The following CD109 variants were observed in gnomAD, a reference collection of about 807,000 sequenced individuals.
The protein encoded by CD109 is CD109 antigen.
In CD109, 149 loss-of-function variants were observed where a neutral mutation model predicts 165.8. That is an observed-to-expected ratio of 0.90 (90% confidence interval 0.79 to 1.03). The LOEUF (loss-of-function observed/expected upper bound fraction) is 1.03. CD109 is among the 50% of genes least tolerant of loss of function. CD109 has a pLI of 0.00. For missense variants in CD109, 1,712 were observed against 1,677.8 expected (o/e 1.02, Z -0.36); for synonymous variants, 585 against 592.1 (o/e 0.99, Z 0.18).
chr6:73,737,156 T>C (rs1219451850), intron 5 of CD109, among the ~76,000 whole-genome samples: 1 of 152,264 alleles, frequency 6.6e-6, no homozygotes, highest in Non-Finnish European at 1.5e-5. Flanking sequence ...GGTCATTTAG[T>C]ATATAACATG....
rs771074758 is a variant in CD109 at position 73,771,568 on chromosome 6, T to C, written c.1814T>C (p.Ile605Thr). The part of the protein sequence containing the change: ...SVNLMNASND[I>T]TMENVVHELE... Reference sequence around the variant, plus strand: ...AATCTGATGAATGCCTCTAATGATATTACAATGGAAAATGTGAGTTTAGCT... The same window carrying C: ...AATCTGATGAATGCCTCTAATGATACTACAATGGAAAATGTGAGTTTAGCT... Residue 605 changes from isoleucine to threonine, a missense_variant, in exon 15 of 33, where the codon ATT becomes ACT. Physicochemically the swap from Ile to Thr is moderately conservative, Grantham distance 89 (BLOSUM62 -1). Coordinates refer to ENST00000287097, the MANE Select transcript of CD109 (RefSeq NM_133493.5). The C allele has an allele frequency of 1.3e-6, 2 of 1,573,642 alleles. No homozygotes were observed. The highest frequency in any genetic ancestry group is 2.0e-5 in the Admixed American group (1 of 50,958).
intron 5 of CD109, 148 bp downstream of exon 5, chr6:73,736,656 A>T: frequency 1.5e-6 from 1 of 673,420 alleles, no homozygotes; most frequent in Non-Finnish European, 2.4e-6. Flanking sequence ...TTAATTTATG[A>T]TGTTTATCAA....
intron 2 of CD109, among the ~76,000 whole-genome samples, chr6:73,713,911 A>G (rs1582048096): frequency 6.6e-6 from 1 of 151,712 alleles, no homozygotes; most frequent in African/African-American, 2.4e-5. Context: ...AAAATAAATT[A>G]CCACCCCTCC....
intron 23 of CD109, among the ~76,000 whole-genome samples, chr6:73,800,323 T>C (rs545734548): frequency 6.6e-6 from 1 of 152,320 alleles, no homozygotes; most frequent in East Asian, 1.9e-4. Context: ...CATGTGTGTG[T>C]ACCATAGTTT....
intron 2 of CD109, among the ~76,000 whole-genome samples, chr6:73,722,478 C>G (rs974843206): frequency 6.6e-6 from 1 of 152,184 alleles, no homozygotes; most frequent in Non-Finnish European, 1.5e-5. Context: ...GTGTACTGTG[C>G]TGTGCTCTGG....
intron 32 of CD109, among the ~76,000 whole-genome samples, chr6:73,822,499 C>T (rs1199918218): frequency 6.6e-6 from 1 of 152,164 alleles, no homozygotes; most frequent in East Asian, 1.9e-4. Flanking sequence ...TCTTGTGGGA[C>T]ATTTGGGAAA....
intron 2 of CD109, among the ~76,000 whole-genome samples, chr6:73,713,260 C>G (rs1771601547): frequency 6.6e-6 from 1 of 152,062 alleles, no homozygotes; most frequent in South Asian, 2.1e-4. Context: ...TTAAAATCGA[C>G]TTTTTATTAA....
chr6:73,706,602 C>G (rs1771274565), intron 2 of CD109, among the ~76,000 whole-genome samples: 1 of 152,106 alleles, frequency 6.6e-6, no homozygotes, highest in African/African-American at 2.4e-5. Context: ...CTTCACTTAC[C>G]TCGGAGAATT....
At position 73,765,952 on chromosome 6, in the gene CD109, G is replaced by A. The variant is rs7741152; in HGVS notation, c.1130G>A (p.Gly377Asp). The A allele has an allele frequency of 7.6e-3, 12,331 of 1,613,654 alleles. 62 individuals are homozygous for A. The highest frequency in any genetic ancestry group is 0.016 in the Middle Eastern group (99 of 6,062). ...TAGGTGAAGGTAACTCGTGCTGATGGCAACCAACTGACTCTTGAAGAAAGA... is the reference window on the plus strand; with the variant it reads ...TAGGTGAAGGTAACTCGTGCTGATGACAACCAACTGACTCTTGAAGAAAGA... ...TATVKVTRAD[G>D]NQLTLEERRN... Residue 377 changes from glycine to aspartate, a missense_variant, in exon 11 of 33, where the codon GGC (glycine) becomes GAC (aspartate). Gly to Asp is a moderately conservative substitution (Grantham distance 94). Transcript: ENST00000287097.
chr6:73,762,918 T>C (rs757725679), intron 9 of CD109, 36 bp downstream of exon 9: 19 of 1,552,254 alleles, frequency 1.2e-5, no homozygotes, highest in African/African-American at 2.8e-5. Context: ...AAACTATTCA[T>C]GTGACACTGC....
intron 14 of CD109, among the ~76,000 whole-genome samples, chr6:73,770,684 G>T (rs570516878): frequency 2.6e-5 from 4 of 152,292 alleles, no homozygotes; most frequent in Admixed American, 2.6e-4. Flanking sequence ...GGAGGCAAAG[G>T]TTGCAGTGAG....
intron 5 of CD109, among the ~76,000 whole-genome samples, chr6:73,749,058 C>G (rs546617156): frequency 7.9e-5 from 12 of 152,052 alleles, no homozygotes; most frequent in Non-Finnish European, 1.3e-4. Flanking sequence ...TAGTAGGGAT[C>G]GGAATAAAGC....
Position 73,787,273 on chromosome 6 carries a change from C to A in CD109, c.2377C>A (p.Leu793Ile), listed in dbSNP as rs1203837711. ...IIEKSDKFDILMTSNEINATG... is the reference protein window; with the variant it reads ...IIEKSDKFDIIMTSNEINATG... ...TGAGAAAAGTGACAAATTTGATATTCTAATGACTTCAAATGAAATAAATGC... is the reference window on the plus strand; with the variant it reads ...TGAGAAAAGTGACAAATTTGATATTATAATGACTTCAAATGAAATAAATGC... Residue 793 changes from leucine (L) to isoleucine (I), a missense_variant, in exon 21 of 33, where the codon CTA becomes ATA. By Grantham distance (5) the Leu-to-Ile change is conservative. Coordinates refer to ENST00000287097, the MANE Select transcript of CD109 (RefSeq NM_133493.5). 6 of 1,613,604 alleles carry A rather than the reference C, an allele frequency of 3.7e-6. No homozygotes were observed. The East Asian group carries it at 1.3e-4, about 36-fold the overall frequency.
Position 73,762,896 on chromosome 6 carries a change from A to C in CD109, c.997+14A>C. 3 of 1,593,832 alleles carry C rather than the reference A, an allele frequency of 1.9e-6. No homozygotes were observed. Among genetic ancestry groups the C allele is most frequent in the Non-Finnish European group, 2.6e-6 (3 of 1,174,380 alleles). On this transcript the variant is annotated intron_variant, in intron 9 of 32. Coordinates refer to ENST00000287097, the MANE Select transcript of CD109 (RefSeq NM_133493.5). The stretch of plus-strand genomic sequence containing the variant: ...AATCAGTTACAGGTTTGTAGACTTT[A>C]AAGTGGAGGTAAAACTATTCATGTG...
intron 24 of CD109, among the ~76,000 whole-genome samples, chr6:73,804,359 T>C (rs992942934): frequency 6.6e-6 from 1 of 152,240 alleles, no homozygotes; most frequent in African/African-American, 2.4e-5. Flanking sequence ...CTCAGTATAG[T>C]GTTTTGTAGC....
At chr6:73,690,641 T>C in the CD109 span, among the ~76,000 whole-genome samples, 3 of 152,246 alleles carry the variant, frequency 2.0e-5, no homozygotes, top group Non-Finnish European at 4.4e-5. Context: ...CCTCAGGTGA[T>C]CTGCCCGCCT....
At chr6:73,817,996 G>C (rs1775995800) in intron 30 of CD109, among the ~76,000 whole-genome samples, 1 of 152,150 alleles carries the variant, frequency 6.6e-6, no homozygotes, top group South Asian at 2.1e-4. Context: ...CTGGCTTTCA[G>C]CTTGCAAGTT....
rs539465281 is a variant in CD109, at chr6:73,768,149, T to C, written c.1592T>C (p.Val531Ala). The change falls in exon 14 of 33, where the codon GTA (valine) becomes GCA (alanine). Residue 531 changes from valine to alanine, a missense_variant. Physicochemically the swap from Val to Ala is moderately conservative, Grantham distance 64 (BLOSUM62 0). Transcript: ENST00000287097. ...AATTCTTGGACTCCAAAAGCCTGTG[T>C]AATTGTGTATTATATTGAAGATGAT... is the stretch of plus-strand genomic sequence containing the variant. Reference protein sequence around the residue: ...PENSWTPKACVIVYYIEDDGE... With the variant: ...PENSWTPKACAIVYYIEDDGE... The C allele has an allele frequency of 6.2e-7, 1 of 1,604,914 alleles. No homozygotes were observed. The highest frequency in any genetic ancestry group is 8.5e-7 in the Non-Finnish European group (1 of 1,171,748).
At chr6:73,684,678 T>A in the CD109 span, among the ~76,000 whole-genome samples, 300 of 152,024 alleles carry the variant, frequency 2.0e-3, no homozygotes, top group Middle Eastern at 6.8e-3. Context: ...GTTTACTCAA[T>A]TCCTCCCCCT....
Sources: gnomAD v4.1 joint callset for allele counts (sites outside exome capture counted in the v4.1 genomes callset) on GRCh38, gnomAD v4.1.1 for gene constraint, MANE v1.5 for transcripts, NCBI Gene and HGNC (gene_info 2026-07-23, HGNC 2026-07-21) for gene names.